RBFOX1: variants seen among roughly 807,000 people sequenced by gnomAD.
RBFOX1 encodes the protein RNA binding protein fox-1 homolog 1.
Under a neutral mutation model 57.7 loss-of-function variants are expected in RBFOX1, and 8 were observed. The observed-to-expected ratio is 0.14, with a 90% CI of 0.08 to 0.25. The LOEUF is 0.25. Ranked by LOEUF, RBFOX1 falls within the 10% of genes least tolerant of loss-of-function variation. RBFOX1 has a pLI of 1.00. For synonymous variants in RBFOX1, 326 were observed against 222.4 expected (o/e 1.47, Z -4.15); for missense variants, 611 against 548.5 (o/e 1.11, Z -1.14).
chr16:5,550,374 C>G (rs1047242242), intron 2 of RBFOX1, among the ~76,000 whole-genome samples: 1 of 152,156 alleles, frequency 6.6e-6, no homozygotes, highest in African/African-American at 2.4e-5. Flanking sequence ...GGAAAGGCAG[C>G]TCATTCTTCA....
rs115054999 is a variant in RBFOX1, at chr16:7,511,412, C to T, written c.28-6735C>T. On this transcript the variant is annotated intron_variant, in intron 4 of 15. Coordinates refer to ENST00000550418, the MANE Select transcript of RBFOX1 (RefSeq NM_018723.4). ...CATCTTATTTTCTCTCTGACTCTGT[C>T]TCCTGAGTCCACTTCAGAGAGAAAA... Among the ~76,000 whole-genome samples the T allele has an allele frequency of 4.8e-3, 738 of 152,276 alleles. 6 individuals carry two copies. The highest frequency in any genetic ancestry group is 0.017 in the African/African-American group (696 of 41,550).
rs188716119 is a variant in RBFOX1 at position 7,547,184 on chromosome 16, T to A, written c.270+28795T>A. 5.3e-5 allele frequency among the ~76,000 whole-genome samples: 8 copies of A among 152,336 alleles called. No individual in the cohort carries two copies. The East Asian group carries it at 1.4e-3, about 26-fold the overall frequency. On this transcript the variant is annotated intron_variant, in intron 5 of 15. Coordinates refer to ENST00000550418, the MANE Select transcript of RBFOX1 (RefSeq NM_018723.4). ...GGCTTTCAGCTTGATAAATACTTTC[T>A]TATAAGGCCATAAATATTGGTGGTA...
rs886561170 is a variant in RBFOX1, at chr16:5,452,649, C to CT, written c.220-14555dup. Among the ~76,000 whole-genome samples, 475 of 144,532 alleles carry CT rather than the reference C, an allele frequency of 3.3e-3. 2 individuals carry two copies. Among genetic ancestry groups the CT allele is most frequent in the South Asian group, 8.9e-3 (40 of 4,508 alleles). The allele number at this position is 144,532 out of a possible 152,430, so 94.8% of individuals were successfully genotyped here. ...CTGAAAAGTAAACCATAAACCTTGACTTTTTTTTTTTTGAGACAGAGTCTC... is the reference window on the plus strand; with the variant it reads ...CTGAAAAGTAAACCATAAACCTTGACTTTTTTTTTTTTTGAGACAGAGTCTC... On this transcript the variant is annotated intron_variant, in intron 1 of 2. Coordinates refer to the RBFOX1 transcript ENST00000585867.
At chr16:6,179,411 T>C (rs1222084306) in intron 1 of RBFOX1, among the ~76,000 whole-genome samples, 1 of 152,186 alleles carries the variant, frequency 6.6e-6, no homozygotes, top group African/African-American at 2.4e-5. Context: ...GGAATAATTC[T>C]GATCGTAGAA....
chr16:6,337,514 T>A (rs1213435184), intron 2 of RBFOX1, among the ~76,000 whole-genome samples: 1 of 152,106 alleles, frequency 6.6e-6, no homozygotes, highest in South Asian at 2.1e-4. Context: ...AATAAATTAA[T>A]GGGGGGAAAT....
rs139177969 is a variant in RBFOX1 at position 5,949,980 on chromosome 16, C to T, written c.351+82645C>T. On this transcript the variant is annotated intron_variant, in intron 4 of 19. Transcript: ENST00000641259. ...TAGATAATTTTTGACAAGAATGTTA[C>T]ATAGGTTGATGTGGCCATCATTCAG... Among the ~76,000 whole-genome samples the T allele has an allele frequency of 9.8e-5, 15 of 152,314 alleles. No individual in the cohort carries two copies. In the East Asian group the frequency reaches 2.9e-3, roughly 29 times the overall value.
intron 3 of RBFOX1, among the ~76,000 whole-genome samples, chr16:6,807,831 T>A (rs1412951392): frequency 6.6e-6 from 1 of 151,780 alleles, no homozygotes. Context: ...AGATGCTTAT[T>A]ATATATATAG....
At chr16:7,147,275 G>T (rs2075201877) in intron 4 of RBFOX1, among the ~76,000 whole-genome samples, 1 of 151,476 alleles carries the variant, frequency 6.6e-6, no homozygotes. Context: ...AAAGTGCTGG[G>T]ATTACAGGCA....
intron 3 of RBFOX1, among the ~76,000 whole-genome samples, chr16:6,802,799 T>G (rs968436411): frequency 3.3e-5 from 5 of 152,238 alleles, no homozygotes; most frequent in African/African-American, 1.2e-4. Context: ...TGAAGTAGGC[T>G]GACCCAAAAT....
chr16:6,612,954 C>G (rs184095099), intron 2 of RBFOX1, among the ~76,000 whole-genome samples: 2 of 151,484 alleles, frequency 1.3e-5, no homozygotes, highest in African/African-American at 4.9e-5. Context: ...AAACAAAGCC[C>G]CCGTACAGTT....
intron 9 of RBFOX1, among the ~76,000 whole-genome samples, chr16:7,602,787 C>T (rs1386086744): frequency 6.6e-6 from 1 of 152,200 alleles, no homozygotes; most frequent in African/African-American, 2.4e-5. Context: ...AATACATCAT[C>T]TACTCATCAA....
chr16:6,398,057 A>G (rs2092912830), intron 2 of RBFOX1, among the ~76,000 whole-genome samples: 1 of 152,222 alleles, frequency 6.6e-6, no homozygotes, highest in African/African-American at 2.4e-5. Flanking sequence ...GAAACTTACA[A>G]TTATGGCAGA....
At chr16:6,985,312 T>C (rs187050034) in intron 3 of RBFOX1, among the ~76,000 whole-genome samples, 7 of 152,328 alleles carry the variant, frequency 4.6e-5, no homozygotes, top group South Asian at 2.1e-4. Context: ...TTTTGAAATA[T>C]TAATTTTATG....
rs1401793335 is a variant in RBFOX1 at position 7,292,316 on chromosome 16, T to C, written c.28-225831T>C. Among the ~76,000 whole-genome samples, 3 of 130,316 alleles carry C rather than the reference T, an allele frequency of 2.3e-5. 1 individual carries two copies. Among genetic ancestry groups the C allele is most frequent in the African/African-American group, 8.6e-5 (3 of 35,014 alleles). 85.5% of individuals were successfully genotyped at this position (130,316 alleles called of 152,430 possible). ...ATATGATATATGATATATGACGTATTATATATCATATATCATACATGATAT... is the reference window on the plus strand; with the variant it reads ...ATATGATATATGATATATGACGTATCATATATCATATATCATACATGATAT... On this transcript the variant is annotated intron_variant, in intron 4 of 15. Transcript: ENST00000550418.
intron 2 of RBFOX1, among the ~76,000 whole-genome samples, chr16:6,502,028 G>T (rs1399122862): frequency 6.6e-6 from 1 of 152,118 alleles, no homozygotes; most frequent in Non-Finnish European, 1.5e-5. Context: ...CCTGCTTAGG[G>T]GGGTCATGAG....
chr16:5,501,351 A>C (rs1035199558), intron 2 of RBFOX1, among the ~76,000 whole-genome samples: 48 of 151,514 alleles, frequency 3.2e-4, no homozygotes, highest in African/African-American at 1.0e-3. Flanking sequence ...AGAAAAAATA[A>C]AATTATCAAT....
chr16:6,761,920 T>C (rs1164972720), intron 3 of RBFOX1, among the ~76,000 whole-genome samples: 1 of 152,134 alleles, frequency 6.6e-6, no homozygotes, highest in Non-Finnish European at 1.5e-5. Flanking sequence ...TCTTCACCTC[T>C]AGACTGATGA....
intron 4 of RBFOX1, among the ~76,000 whole-genome samples, chr16:7,280,687 G>A (rs564974384): frequency 2.0e-4 from 31 of 152,274 alleles, no homozygotes; most frequent in African/African-American, 7.5e-4. Flanking sequence ...GAGGGGCCCT[G>A]CTGACGTTTT....
chr16:7,425,962 G>C (rs189055115), intron 4 of RBFOX1, among the ~76,000 whole-genome samples: 629 of 152,272 alleles, frequency 4.1e-3, no homozygotes, highest in Non-Finnish European at 6.9e-3. Context: ...CTGTATCCAT[G>C]AGCTCAGATC....
Sources: gnomAD v4.1 joint callset for allele counts (sites outside exome capture counted in the v4.1 genomes callset) on GRCh38, gnomAD v4.1.1 for gene constraint, MANE v1.5 for transcripts, NCBI Gene and HGNC (gene_info 2026-07-23, HGNC 2026-07-21) for gene names.